Variants in AGBL1 observed in about 807,000 individuals in gnomAD.
AGBL1 encodes the protein AGBL carboxypeptidase 1.
Under a neutral mutation model 118.9 loss-of-function variants are expected in AGBL1, and 130 were observed. That is an observed-to-expected ratio of 1.09 (90% CI 0.95 to 1.26). The LOEUF is 1.26. Ranked by LOEUF, AGBL1 falls within the 50% of genes most tolerant of loss-of-function variation. The pLI, the probability that AGBL1 is intolerant of heterozygous loss-of-function variation, is 0.00. For missense variants in AGBL1, 1,584 were observed against 1,298.1 expected (o/e 1.22, Z -3.38); for synonymous variants, 555 against 478.9 (o/e 1.16, Z -2.08).
At chr15:86,253,598 G>A (rs1410419405) in intron 7 of AGBL1, among the ~76,000 whole-genome samples, 1 of 152,110 alleles carries the variant, frequency 6.6e-6, no homozygotes, top group Non-Finnish European at 1.5e-5. Context: ...TGAATTAAAG[G>A]GATAGGGAGG....
At chr15:86,903,603 G>A (rs2080241495) in intron 22 of AGBL1, among the ~76,000 whole-genome samples, 1 of 152,126 alleles carries the variant, frequency 6.6e-6, no homozygotes, top group South Asian at 2.1e-4. Flanking sequence ...ATGAGGCTAT[G>A]GATCTTATTT....
intron 5 of AGBL1, among the ~76,000 whole-genome samples, chr15:86,185,547 A>T (rs566485107): frequency 6.6e-6 from 1 of 152,308 alleles, no homozygotes; most frequent in South Asian, 2.1e-4. Context: ...AAAACGTGGG[A>T]CATATATACC....
intron 5 of AGBL1, among the ~76,000 whole-genome samples, chr15:86,201,137 C>G (rs1160539790): frequency 6.6e-6 from 1 of 152,004 alleles, no homozygotes; most frequent in Admixed American, 6.6e-5. Flanking sequence ...CCATTATACT[C>G]TACTTGGTTA....
intron 23 of AGBL1, among the ~76,000 whole-genome samples, chr15:86,928,855 A>G (rs191762600): frequency 7.3e-6 from 1 of 137,322 alleles, no homozygotes. Context: ...TTAATTTATA[A>G]TTTTTTTCAC....
chr15:87,021,525 C>T (rs974980726), intron 24 of AGBL1, among the ~76,000 whole-genome samples: 1 of 152,080 alleles, frequency 6.6e-6, no homozygotes, highest in Non-Finnish European at 1.5e-5. Context: ...AGCTTCTGCA[C>T]AGCAAATGCA....
At chr15:86,803,145 T>C (rs1374789043) in intron 22 of AGBL1, among the ~76,000 whole-genome samples, 6 of 152,110 alleles carry the variant, frequency 3.9e-5, no homozygotes, top group African/African-American at 1.4e-4. Context: ...ATGTTTTGGC[T>C]CTGTGTCTCC....
chr15:86,168,697 G>C (rs72750301), intron 5 of AGBL1, among the ~76,000 whole-genome samples: 19 of 152,088 alleles, frequency 1.2e-4, no homozygotes, highest in African/African-American at 4.6e-4. Context: ...ACTAGAAAAA[G>C]TAAGTCTCAA....
At position 86,437,378 on chromosome 15, in the gene AGBL1, G is replaced by A. The variant is rs2082011955; in HGVS notation, c.2555+39832G>A. Among the ~76,000 whole-genome samples the A allele has an allele frequency of 9.2e-5, 14 of 152,242 alleles. No homozygotes were observed. The South Asian group carries it at 2.9e-3, about 32-fold the overall frequency. On this transcript the variant is annotated intron_variant, in intron 18 of 22. Transcript: ENST00000614907. ...GAGAAAGCGCTTAAATAAGATTGAG[G>A]AGGCACTGCTCCTGCTTCAGAGCTC...
chr15:86,660,039 C>T (rs538973231), intron 21 of AGBL1, among the ~76,000 whole-genome samples: 24 of 151,984 alleles, frequency 1.6e-4, no homozygotes, highest in Non-Finnish European at 2.4e-4. Flanking sequence ...TTTGTAGCCA[C>T]GGCTTGGCAA....
chr15:87,018,395 A>G (rs567907268), intron 24 of AGBL1, among the ~76,000 whole-genome samples: 11 of 152,300 alleles, frequency 7.2e-5, no homozygotes, highest in African/African-American at 2.6e-4. Context: ...AGGGAAGCCC[A>G]TCAGACTAAC....
chr15:86,827,344 T>TAC (rs1567194433), intron 22 of AGBL1, among the ~76,000 whole-genome samples: 1 of 6,910 alleles, frequency 1.4e-4, no homozygotes, highest in African/African-American at 1.4e-3. Context: ...TATATGTGTA[T>TAC]ATATATATAT....
chr15:86,348,048 C>T (rs191585516), intron 17 of AGBL1, among the ~76,000 whole-genome samples: 67 of 152,108 alleles, frequency 4.4e-4, no homozygotes, highest in Non-Finnish European at 7.4e-5. Context: ...TGTTGTGTCC[C>T]CATGCGTTTC....
intron 22 of AGBL1, among the ~76,000 whole-genome samples, chr15:86,899,857 G>A (rs984339752): frequency 1.3e-5 from 2 of 152,136 alleles, no homozygotes; most frequent in Non-Finnish European, 2.9e-5. Flanking sequence ...GTGTCTGTGC[G>A]GGTGTTGCCA....
chr15:86,881,566 G>T (rs1402155564), intron 22 of AGBL1, among the ~76,000 whole-genome samples: 4 of 152,088 alleles, frequency 2.6e-5, no homozygotes, highest in African/African-American at 9.7e-5. Flanking sequence ...GTATTACTCT[G>T]TCTTGTACTG....
chr15:86,157,616 G>A (rs1029442059), intron 4 of AGBL1, among the ~76,000 whole-genome samples: 2 of 152,106 alleles, frequency 1.3e-5, no homozygotes, highest in African/African-American at 4.8e-5. Context: ...AAATTATACT[G>A]TCACTCTCCA....
At chr15:86,618,644 T>A (rs2142405289) in intron 21 of AGBL1, among the ~76,000 whole-genome samples, 1 of 152,290 alleles carries the variant, frequency 6.6e-6, no homozygotes, top group South Asian at 2.1e-4. Context: ...TTCTTAGGCA[T>A]CTCAAATTTG....
chr15:86,867,533 C>G (rs147951340), intron 22 of AGBL1, among the ~76,000 whole-genome samples: 237 of 152,076 alleles, frequency 1.6e-3, no homozygotes, highest in African/African-American at 5.4e-3. Context: ...ATTTTGTTTT[C>G]AGTAATGGGC....
At chr15:86,888,569 G>A (rs2080005452) in intron 22 of AGBL1, among the ~76,000 whole-genome samples, 1 of 152,126 alleles carries the variant, frequency 6.6e-6, no homozygotes. Flanking sequence ...ATAAAATGAA[G>A]TTTTCTGAGG....
intron 23 of AGBL1, among the ~76,000 whole-genome samples, chr15:86,969,745 G>C (rs949579449): frequency 6.6e-6 from 1 of 151,950 alleles, no homozygotes; most frequent in South Asian, 2.1e-4. Context: ...TGTCATCAGG[G>C]TGGAAGTGGG....
Sources: allele counts gnomAD v4.1 joint callset (sites outside exome capture counted in the v4.1 genomes callset), GRCh38; gene constraint gnomAD v4.1.1; transcripts MANE v1.5; gene names NCBI Gene and HGNC (gene_info 2026-07-23, HGNC 2026-07-21).